HMCN2: variants seen among roughly 807,000 people sequenced by gnomAD.
HMCN2 encodes hemicentin 2.
Under a neutral mutation model 377.5 loss-of-function variants are expected in HMCN2, and 325 were observed. The ratio of observed to expected loss-of-function variants is 0.86; its 90% CI spans 0.79 to 0.94. The LOEUF is 0.94. HMCN2 is among the 40% of genes least tolerant of loss of function. HMCN2 has a pLI of 0.00. For missense variants in HMCN2, 4,543 were observed against 4,725.3 expected, an observed-to-expected ratio of 0.96 and a Z score of 1.13; for synonymous variants, 2,007 against 2,046.8, an observed-to-expected ratio of 0.98 and a Z score of 0.53.
chr9:130,384,163 C>T (rs114566257), intron 57 of HMCN2, among the ~76,000 whole-genome samples: 3,577 of 152,292 alleles, frequency 0.023, 140 homozygotes, highest in African/African-American at 0.082. Context: ...AGCTGTGTGG[C>T]CTTGGAACAG....
chr9:130,325,111 T>TTTG lies in HMCN2; in HGVS notation c.2921-484_2921-483insTTG, dbSNP rs1277790758. ...TCTTCTTCTTCTTTTTTTTTTTTTT[T>TTTG]GTAGACAAGAGTCTCACTATGTCTC... On this transcript the variant is annotated intron_variant, in intron 19 of 97. Transcript: ENST00000683500. 6.6e-3 allele frequency among the ~76,000 whole-genome samples: 957 copies of TTTG among 144,112 alleles called. 4 individuals are homozygous for TTTG. Among genetic ancestry groups the TTTG allele is most frequent in the Non-Finnish European group, 0.011 (735 of 65,598 alleles). 94.5% of individuals were successfully genotyped at this position (144,112 alleles called of 152,430 possible).
In HMCN2 at chr9:130,369,466, G is replaced by A. The variant is rs187909494; in HGVS notation, c.6788-104G>A. On this transcript the variant is annotated intron_variant, in intron 44 of 97. Coordinates refer to ENST00000683500, the MANE Select transcript of HMCN2 (RefSeq NM_001291815.2). The surrounding 1 kb of genome is among the most constrained non-coding windows in gnomAD (Gnocchi z 4.5). ...GAGGTCACGAGGTCACACAGCCAGC[G>A]ATGGCAAGGGGAGAGGGTGTGTCCC... 9.5e-5 allele frequency: 58 copies of A among 611,242 alleles called. No individual in the cohort carries two copies. The highest frequency in any genetic ancestry group is 1.2e-4 in the African/African-American group (6 of 50,056). 37.9% of individuals were successfully genotyped at this position (611,242 alleles called of 1,614,324 possible). A position where few individuals can be genotyped will look rare whatever the true frequency, so the allele number is the denominator to read the frequency against.
intron 66 of HMCN2, among the ~76,000 whole-genome samples, chr9:130,392,765 G>C (rs962369783): frequency 2.0e-5 from 3 of 152,248 alleles, no homozygotes; most frequent in Middle Eastern, 3.4e-3. Flanking sequence ...GGGAGGCCAA[G>C]GCGGGCAGAT....
chr9:130,267,472 ACACACG>A (rs1414468022), intron 1 of HMCN2, among the ~76,000 whole-genome samples: 4 of 133,596 alleles, frequency 3.0e-5, no homozygotes, highest in African/African-American at 1.1e-4. Flanking sequence ...ACACACACAC[ACACACG>A]CACAGATTCC....
chr9:130,388,811 G>A (rs1421030678), intron 62 of HMCN2, among the ~76,000 whole-genome samples: 3 of 152,176 alleles, frequency 2.0e-5, no homozygotes, highest in African/African-American at 4.8e-5. Flanking sequence ...GACAGCAGAC[G>A]TGGGCTCTCC....
Position 130,304,490 on chromosome 9 carries a change from G to A in HMCN2, c.1544-240G>A, listed in dbSNP as rs955638958. ...ACTGGCTGTATTTTGGAGAGCAGGC[G>A]TGTACCGTGCAGCCCCTGGCAGGTG... On this transcript the variant is annotated intron_variant, in intron 10 of 97. Transcript: ENST00000683500. This position sits in a 1 kb window ranked among gnomAD's most constrained non-coding sequence, Gnocchi z 4.3. 6.6e-6 allele frequency among the ~76,000 whole-genome samples: 1 copy of A among 152,218 alleles called. No homozygotes were observed. The highest frequency in any genetic ancestry group is 1.5e-5 in the Non-Finnish European group (1 of 68,038).
In HMCN2 at chr9:130,360,039, G is replaced by A. The variant is rs1259650796; in HGVS notation, c.5774-389G>A. ...TCTCTAATGCCCCCTAGGGGACGGG[G>A]TCTTCTGGTAGGGGGAGGGCAGGGC... is the stretch of plus-strand genomic sequence containing the variant. On this transcript the variant is annotated intron_variant, in intron 37 of 97. Coordinates refer to ENST00000683500, the MANE Select transcript of HMCN2 (RefSeq NM_001291815.2). The surrounding 1 kb of genome is among the most constrained non-coding windows in gnomAD (Gnocchi z 4.7). Among the ~76,000 whole-genome samples, 1 of 152,098 alleles carries A rather than the reference G, an allele frequency of 6.6e-6. No homozygotes were observed. Among genetic ancestry groups the A allele is most frequent in the Admixed American group, 6.5e-5 (1 of 15,282 alleles).
intron 31 of HMCN2, among the ~76,000 whole-genome samples, chr9:130,354,553 C>A (rs1839916519): frequency 6.6e-6 from 1 of 152,146 alleles, no homozygotes; most frequent in Non-Finnish European, 1.5e-5. Context: ...ACAGTCAGCA[C>A]CCAGGGGTGG....
chr9:130,268,586 AC>A lies in HMCN2; in HGVS notation c.259+2457del, dbSNP rs372653097. ...AAGCAAGGAAGGGGGCTAAGGAAAG[AC>A]CCCCCCCTGAGGAAGCAGCCTGTGA... is the stretch of plus-strand genomic sequence containing the variant. On this transcript the variant is annotated intron_variant, in intron 1 of 97. Coordinates refer to ENST00000683500, the MANE Select transcript of HMCN2 (RefSeq NM_001291815.2). 4.8e-4 allele frequency among the ~76,000 whole-genome samples: 71 copies of A among 147,486 alleles called. 6 individuals are homozygous for A. The highest frequency in any genetic ancestry group is 1.6e-3 in the African/African-American group (64 of 40,976).
intron 1 of HMCN2, among the ~76,000 whole-genome samples, chr9:130,276,522 CAG>C (rs1167322110): frequency 6.6e-6 from 1 of 152,172 alleles, no homozygotes; most frequent in Non-Finnish European, 1.5e-5. Flanking sequence ...CAGGGACACT[CAG>C]GGTGGAGCTG....
Position 130,356,113 on chromosome 9 carries a change from G to A in HMCN2, c.5281G>A (p.Glu1761Lys), listed in dbSNP as rs11244313. Reference sequence around the variant, plus strand: ...GTGGCTGCAGAATGGCCGCCCAGCCGAGGAGCTGGCTGGGGTGCAGGTGGC... The same window carrying A: ...GTGGCTGCAGAATGGCCGCCCAGCCAAGGAGCTGGCTGGGGTGCAGGTGGC... ...IQWLQNGRPA[E>K]ELAGVQVASQ... The change falls in exon 34 of 98, where the codon GAG (glutamate) becomes AAG (lysine). Residue 1761 changes from glutamate (E) to lysine (K), a missense_variant. Coordinates refer to ENST00000683500, the MANE Select transcript of HMCN2 (RefSeq NM_001291815.2). 239 of 1,296,276 alleles carry A rather than the reference G, an allele frequency of 1.8e-4. 2 individuals are homozygous for A. In the East Asian group the frequency reaches 9.0e-3, roughly 49 times the overall value. The allele number at this position is 1,296,276 out of a possible 1,614,324, so 80.3% of individuals were successfully genotyped here.
In HMCN2 at chr9:130,419,011, G is replaced by T. The variant is rs906505609; in HGVS notation, c.13201G>T (p.Ala4401Ser). The stretch of plus-strand genomic sequence containing the variant: ...CGTCGCTCACAACCTCCTGGGCTCT[G>T]CCACAGCCCGGGCGTTCCTGGTCGT... ...DCVAHNLLGSATARAFLVVRG... is the reference protein window; with the variant it reads ...DCVAHNLLGSSTARAFLVVRG... The change falls in exon 86 of 98, where the codon GCC becomes TCC. Residue 4401 changes from alanine (A) to serine (S), a missense_variant. By Grantham distance (99) the Ala-to-Ser change is moderately conservative. Around this residue, in one of 5 missense-constraint regions of HMCN2, gnomAD observed 1,155 missense variants for 1,157.7 expected, o/e 1.00. Coordinates refer to ENST00000683500, the MANE Select transcript of HMCN2 (RefSeq NM_001291815.2). 1 of 1,493,406 alleles carries T rather than the reference G, an allele frequency of 6.7e-7. No individual in the cohort carries two copies. The allele number at this position is 1,493,406 out of a possible 1,614,324, so 92.5% of individuals were successfully genotyped here.
rs1261432464 is a variant in HMCN2 at position 130,395,432 on chromosome 9, C to T, written c.10911+85C>T. 19 of 1,168,990 alleles carry T rather than the reference C, an allele frequency of 1.6e-5. No individual in the cohort carries two copies. The East Asian group carries it at 8.8e-4, about 54-fold the overall frequency. 72.4% of individuals were successfully genotyped at this position (1,168,990 alleles called of 1,614,324 possible). ...ACCTGGCCGGATCCAAGATCCAGAGCGGGTGCCAAGGGCCCGCTCTGAGCT... is the reference window on the plus strand; with the variant it reads ...ACCTGGCCGGATCCAAGATCCAGAGTGGGTGCCAAGGGCCCGCTCTGAGCT... On this transcript the variant is annotated intron_variant, in intron 71 of 97. Coordinates refer to ENST00000683500, the MANE Select transcript of HMCN2 (RefSeq NM_001291815.2).
At chr9:130,400,655 T>G in intron 76 of HMCN2, 128 bp from the exon 77 acceptor site, 1 of 505,304 alleles carries the variant, frequency 2.0e-6, no homozygotes, top group Non-Finnish European at 2.9e-6. Context: ...CTTCTCCCTC[T>G]GTTGCCACCT....
intron 85 of HMCN2, among the ~76,000 whole-genome samples, chr9:130,415,123 G>A (rs913893255): frequency 3.9e-5 from 6 of 152,114 alleles, no homozygotes; most frequent in African/African-American, 9.7e-5. Flanking sequence ...TGGGGAACCC[G>A]GACTTCCACT....
intron 7 of HMCN2, among the ~76,000 whole-genome samples, chr9:130,297,614 A>G (rs1231859013): frequency 5.3e-5 from 8 of 152,218 alleles, no homozygotes; most frequent in African/African-American, 1.7e-4. Flanking sequence ...TGGACCCTGA[A>G]CAGTGACCAA....
At chr9:130,427,166 G>T in intron 90 of HMCN2, 147 bp from the exon 91 acceptor site, 1 of 805,638 alleles carries the variant, frequency 1.2e-6, no homozygotes, top group Admixed American at 2.3e-5. Flanking sequence ...GGCCTGGGCA[G>T]GAAATGGGCT....
rs1405194572 is a variant in HMCN2 at position 130,351,612 on chromosome 9, G to T, written c.4585+35G>T. On this transcript the variant is annotated intron_variant, in intron 30 of 97. Coordinates refer to ENST00000683500, the MANE Select transcript of HMCN2 (RefSeq NM_001291815.2). The surrounding 1 kb of genome is among the most constrained non-coding windows in gnomAD (Gnocchi z 5.4). ...CACGCCTTCTGGGACCCCGCCACAG[G>T]CTACTCAGGAAGCTTCCCACCCAGC... 1 of 1,288,008 alleles carries T rather than the reference G, an allele frequency of 7.8e-7. No homozygotes were observed. Among genetic ancestry groups the T allele is most frequent in the Non-Finnish European group, 1.0e-6 (1 of 977,974 alleles). The allele number at this position is 1,288,008 out of a possible 1,614,324, so 79.8% of individuals were successfully genotyped here.
chr9:130,403,929 C>T (rs1305412863), intron 80 of HMCN2, 54 bp downstream of exon 80: 1 of 1,254,590 alleles, frequency 8.0e-7, no homozygotes, highest in Non-Finnish European at 1.0e-6. Flanking sequence ...GGCTTTGAGG[C>T]TTCTGCAAGC....
Sources: gnomAD v4.1 joint callset for allele counts (sites outside exome capture counted in the v4.1 genomes callset) on GRCh38, gnomAD v4.1.1 for gene constraint, gnomAD v4.1.1 regional missense constraint, Gnocchi (gnomAD v3.1) non-coding constraint, MANE v1.5 for transcripts, NCBI Gene and HGNC (gene_info 2026-07-23, HGNC 2026-07-21) for gene names.